ZNF670: variants seen among roughly 807,000 people sequenced by gnomAD.
The protein encoded by ZNF670 is zinc finger protein 670.
ZNF670 carries 7 observed loss-of-function variants against 10.9 expected under a neutral mutation model. The ratio of observed to expected loss-of-function variants is 0.64; its 90% confidence interval spans 0.36 to 1.20. The LOEUF (loss-of-function observed/expected upper bound fraction) is 1.20, where lower values mean the gene tolerates loss of function less well. ZNF670 is among the 50% of genes most tolerant of loss of function. The probability of loss-of-function intolerance (pLI) is 0.02; values close to 1 mark genes in which losing one functional copy is unlikely to be tolerated. For synonymous variants in ZNF670, 136 were observed against 152.7 expected (o/e 0.89, Z 0.81); for missense variants, 446 against 458.6 (o/e 0.97, Z 0.25).
chr1:247,058,987 C>T (rs551742565), intron 1 of ZNF670, among the ~76,000 whole-genome samples: 34 of 152,116 alleles, frequency 2.2e-4, no homozygotes, highest in Non-Finnish European at 4.6e-4. Context: ...ATACGCTCTT[C>T]CAGAAAACAG....
intron 1 of ZNF670, among the ~76,000 whole-genome samples, chr1:247,067,354 T>C (rs988253572): frequency 6.7e-6 from 1 of 148,308 alleles, no homozygotes; most frequent in African/African-American, 2.5e-5. Flanking sequence ...GAGAATCGCT[T>C]GAACCTGGGA....
chr1:247,058,652 A>G (rs1670777133), intron 1 of ZNF670, among the ~76,000 whole-genome samples: 1 of 151,964 alleles, frequency 6.6e-6, no homozygotes, highest in Non-Finnish European at 1.5e-5. Context: ...ACAAAAGACC[A>G]AAATGTTCAT....
chr1:247,055,832 T>C (rs1306614225), intron 1 of ZNF670, among the ~76,000 whole-genome samples: 1 of 152,090 alleles, frequency 6.6e-6, no homozygotes, highest in African/African-American at 2.4e-5. Context: ...GGATATTCCA[T>C]ATCAATAGAA....
chr1:247,073,754 T>A (rs775594404), intron 1 of ZNF670, among the ~76,000 whole-genome samples: 2 of 152,186 alleles, frequency 1.3e-5, no homozygotes, highest in African/African-American at 2.4e-5. Context: ...ACAGATCAGT[T>A]CCACAACACT....
intron 1 of ZNF670, among the ~76,000 whole-genome samples, chr1:247,042,123 A>C (rs1670324777): frequency 6.6e-6 from 1 of 152,248 alleles, no homozygotes; most frequent in South Asian, 2.1e-4. Context: ...AAAACTTAAA[A>C]ATTAATTAAA....
intron 1 of ZNF670, among the ~76,000 whole-genome samples, chr1:247,078,186 A>C (rs1402678667): frequency 6.6e-6 from 1 of 152,192 alleles, no homozygotes; most frequent in Admixed American, 6.5e-5. Context: ...TCTCTGCTCA[A>C]ATAAACTCCT....
intron 1 of ZNF670, among the ~76,000 whole-genome samples, chr1:247,066,625 G>C (rs971484509): frequency 2.0e-5 from 3 of 152,122 alleles, no homozygotes; most frequent in African/African-American, 7.2e-5. Flanking sequence ...TTCAGATAAG[G>C]GTATTTCAAA....
At chr1:247,063,129 TC>T (rs1169516893) in intron 1 of ZNF670, among the ~76,000 whole-genome samples, 1 of 152,222 alleles carries the variant, frequency 6.6e-6, no homozygotes, top group Non-Finnish European at 1.5e-5. Context: ...TGTAAAGTGT[TC>T]AGAAACAAAT....
At chr1:247,042,755 C>A (rs1558337023) in intron 1 of ZNF670, 1 of 428,490 alleles carries the variant, frequency 2.3e-6, no homozygotes, top group Non-Finnish European at 4.2e-6. Flanking sequence ...GCATAAAAGG[C>A]AATGGTCAAG....
intron 1 of ZNF670, among the ~76,000 whole-genome samples, chr1:247,048,262 A>G (rs1209636049): frequency 6.6e-6 from 1 of 152,104 alleles, no homozygotes; most frequent in Non-Finnish European, 1.5e-5. Context: ...CATCTCTCTC[A>G]ATTTCAAAGT....
rs1282694153 is a variant in ZNF670 at position 247,035,665 on chromosome 1, C to T, written c.*1784G>A. On this transcript the variant is annotated 3_prime_UTR_variant, in exon 4 of 4. Transcript: ENST00000366503. ...ACCACATATTATATAGCTACTTATA[C>T]ACATATAAGTATACATGTAGACATG... Among the ~76,000 whole-genome samples, 6 of 152,102 alleles carry T rather than the reference C, an allele frequency of 3.9e-5. No individual in the cohort carries two copies. The highest frequency in any genetic ancestry group is 8.8e-5 in the Non-Finnish European group (6 of 68,022).
intron 1 of ZNF670, among the ~76,000 whole-genome samples, chr1:247,059,250 G>A (rs1470351648): frequency 2.6e-5 from 4 of 151,836 alleles, no homozygotes; most frequent in African/African-American, 9.7e-5. Context: ...GACCATCCTG[G>A]CTAACACGGT....
intron 1 of ZNF670, among the ~76,000 whole-genome samples, chr1:247,048,309 G>A (rs987834899): frequency 6.6e-6 from 1 of 152,154 alleles, no homozygotes; most frequent in Admixed American, 6.5e-5. Flanking sequence ...AATGCTGCCA[G>A]TCTCTTTGCT....
In ZNF670 at chr1:247,078,727, G is replaced by A. The variant is rs1392012584; in HGVS notation, c.-131C>T. 7.0e-6 allele frequency: 7 copies of A among 1,005,688 alleles called. No homozygotes were observed. The highest frequency in any genetic ancestry group is 2.3e-4 in the Middle Eastern group (1 of 4,384). The allele number at this position is 1,005,688 out of a possible 1,614,324, so 62.3% of individuals were successfully genotyped here. A position where few individuals can be genotyped will look rare whatever the true frequency, so the allele number is the denominator to read the frequency against. ...GGGGAAGGAGCAGCGGAGACGCACC[G>A]AGCTCGCCACATTCGCGCTGCCCAA... is the stretch of plus-strand genomic sequence containing the variant. On this transcript the variant is annotated 5_prime_UTR_variant, in exon 1 of 4. Transcript: ENST00000366503.
At chr1:247,065,193 G>A (rs140744703) in intron 1 of ZNF670, among the ~76,000 whole-genome samples, 2,392 of 152,264 alleles carry the variant, frequency 0.016, 42 homozygotes, top group Non-Finnish European at 0.02. Context: ...GAGTTATATG[G>A]CAGCAATATT....
chr1:247,060,280 A>G (rs1670827107), intron 1 of ZNF670, among the ~76,000 whole-genome samples: 1 of 152,230 alleles, frequency 6.6e-6, no homozygotes, highest in Admixed American at 6.5e-5. Flanking sequence ...AAAAGAAGAT[A>G]AACAAAAGAG....
chr1:247,051,181 G>A (rs149886736), intron 1 of ZNF670, among the ~76,000 whole-genome samples: 4,531 of 151,228 alleles, frequency 0.03, 215 homozygotes, highest in African/African-American at 0.1. Context: ...GGTGGCAAGC[G>A]CCTGTAGTCC....
Position 247,035,575 on chromosome 1 carries a change from G to C in ZNF670, c.*1874C>G, listed in dbSNP as rs1327984748. Reference sequence around the variant, plus strand: ...ATCCTGTAATATACAATTTATTGTAGTGCTAATTACACATAATATAAACTA... The same window carrying C: ...ATCCTGTAATATACAATTTATTGTACTGCTAATTACACATAATATAAACTA... On this transcript the variant is annotated 3_prime_UTR_variant, in exon 4 of 4. Coordinates refer to ENST00000366503, the MANE Select transcript of ZNF670 (RefSeq NM_033213.5). Among the ~76,000 whole-genome samples, 1 of 152,118 alleles carries C rather than the reference G, an allele frequency of 6.6e-6. No homozygotes were observed. The highest frequency in any genetic ancestry group is 1.5e-5 in the Non-Finnish European group (1 of 68,026).
At chr1:247,043,565 CA>C (rs1233150736) in intron 1 of ZNF670, 3 of 654,326 alleles carry the variant, frequency 4.6e-6, no homozygotes, top group Non-Finnish European at 8.3e-6. Flanking sequence ...ACAAAGCTTC[CA>C]AAAGTCTCAC....
Sources: allele counts gnomAD v4.1 joint callset (sites outside exome capture counted in the v4.1 genomes callset), GRCh38; gene constraint gnomAD v4.1.1; transcripts MANE v1.5; gene names NCBI Gene and HGNC (gene_info 2026-07-23, HGNC 2026-07-21).